The following MAN2A1 variants were observed in gnomAD, a reference collection of about 807,000 sequenced individuals.
The protein encoded by MAN2A1 is alpha-mannosidase 2.
A neutral mutation model predicts 142.6 loss-of-function variants in MAN2A1; 76 were observed. The ratio of observed to expected loss-of-function variants is 0.53; its 90% CI spans 0.44 to 0.65. The LOEUF (loss-of-function observed/expected upper bound fraction) is 0.65. Ranked by LOEUF, MAN2A1 falls within the 30% of genes least tolerant of loss-of-function variation. The pLI is 0.00. For synonymous variants in MAN2A1, 559 were observed against 473.2 expected, an observed-to-expected ratio of 1.18 and a Z score of -2.35; for missense variants, 1,311 against 1,365.1, an observed-to-expected ratio of 0.96 and a Z score of 0.62.
intron 3 of MAN2A1, among the ~76,000 whole-genome samples, chr5:109,728,239 C>A (rs1354538049): frequency 6.6e-6 from 1 of 152,120 alleles, no homozygotes. Flanking sequence ...TCTGCCCTGG[C>A]AGGCTTTTAT....
chr5:109,696,326 C>T (rs1750811099), intron 1 of MAN2A1, among the ~76,000 whole-genome samples: 1 of 152,164 alleles, frequency 6.6e-6, no homozygotes, highest in Non-Finnish European at 1.5e-5. Context: ...GTCTCGATCT[C>T]CTGATCTCGT....
chr5:109,710,532 T>C (rs1283266487), intron 1 of MAN2A1, among the ~76,000 whole-genome samples: 1 of 151,256 alleles, frequency 6.6e-6, no homozygotes, highest in Admixed American at 6.6e-5. Flanking sequence ...TGAGACGGAG[T>C]CTCGCTTTAT....
chr5:109,843,266 C>T (rs1755259387), intron 17 of MAN2A1, among the ~76,000 whole-genome samples: 1 of 152,186 alleles, frequency 6.6e-6, no homozygotes, highest in Non-Finnish European at 1.5e-5. Context: ...ACAAGTCTTA[C>T]ATGGCTGCAG....
intron 8 of MAN2A1, among the ~76,000 whole-genome samples, chr5:109,780,546 G>A (rs6876585): frequency 0.54 from 80,740 of 149,236 alleles, 22,363 homozygotes; most frequent in East Asian, 0.88. Flanking sequence ...GTGTGTGTGT[G>A]TGTATGTGTG....
chr5:109,814,863 A>G (rs1754411610), intron 12 of MAN2A1, among the ~76,000 whole-genome samples: 1 of 152,262 alleles, frequency 6.6e-6, no homozygotes, highest in Admixed American at 6.5e-5. Flanking sequence ...ATAGTATCAC[A>G]GTCTTCATGA....
intron 12 of MAN2A1, among the ~76,000 whole-genome samples, chr5:109,798,670 G>GT (rs548960669): frequency 1.3e-4 from 20 of 151,858 alleles, no homozygotes; most frequent in South Asian, 8.3e-4. Context: ...TGTTTTGTTT[G>GT]TTTGTTTTGT....
At chr5:109,799,180 G>A (rs566519898) in intron 12 of MAN2A1, among the ~76,000 whole-genome samples, 18 of 152,296 alleles carry the variant, frequency 1.2e-4, no homozygotes, top group African/African-American at 3.6e-4. Context: ...GGGACCTAGC[G>A]CTTAGCAGGC....
intron 7 of MAN2A1, among the ~76,000 whole-genome samples, chr5:109,774,224 T>C (rs181868000): frequency 6.6e-6 from 1 of 152,158 alleles, no homozygotes; most frequent in Non-Finnish European, 1.5e-5. Flanking sequence ...GTGTGGATTT[T>C]TTTTTCTTTA....
Position 109,819,560 on chromosome 5 carries a change from C to A in MAN2A1, c.2110-109C>A, listed in dbSNP as rs138248796. On this transcript the variant is annotated intron_variant, in intron 13 of 21. Transcript: ENST00000261483. ...GTGGATATGGAGGGCCAACTGGATT[C>A]TCTTTTTAAAAAATATGATAGTTTG... 458 of 595,994 alleles carry A rather than the reference C, an allele frequency of 7.7e-4. 1 individual carries two copies. The African/African-American group carries it at 8.2e-3, about 11-fold the overall frequency. 36.9% of individuals were successfully genotyped at this position (595,994 alleles called of 1,614,324 possible). A position where few individuals can be genotyped will look rare whatever the true frequency, so the allele number is the denominator to read the frequency against.
intron 9 of MAN2A1, among the ~76,000 whole-genome samples, chr5:109,782,280 C>G (rs915662866): frequency 6.6e-6 from 1 of 152,172 alleles, no homozygotes; most frequent in Admixed American, 6.5e-5. Flanking sequence ...CTTTCAATCA[C>G]TGATAGAATG....
chr5:109,745,883 C>T (rs1007014443), intron 4 of MAN2A1, among the ~76,000 whole-genome samples: 1 of 152,310 alleles, frequency 6.6e-6, no homozygotes, highest in Middle Eastern at 3.4e-3. Flanking sequence ...TCCCAAAGCA[C>T]AGGGATTATA....
At chr5:109,724,479 C>T (rs1263363214) in intron 3 of MAN2A1, among the ~76,000 whole-genome samples, 6 of 151,758 alleles carry the variant, frequency 4.0e-5, no homozygotes, top group African/African-American at 9.7e-5. Flanking sequence ...TTTTAATGAA[C>T]TTTATTTTAA....
chr5:109,805,686 C>G (rs764554687), intron 12 of MAN2A1, among the ~76,000 whole-genome samples: 22 of 152,256 alleles, frequency 1.4e-4, no homozygotes, highest in Admixed American at 5.9e-4. Flanking sequence ...TTCATTTGCT[C>G]TCTATATTTG....
intron 5 of MAN2A1, among the ~76,000 whole-genome samples, chr5:109,761,501 G>A (rs1752843190): frequency 6.6e-6 from 1 of 152,030 alleles, no homozygotes; most frequent in African/African-American, 2.4e-5. Context: ...CCGTGGATGT[G>A]ACAGCAGTTT....
At chr5:109,723,644 T>C (rs1288175802) in intron 3 of MAN2A1, among the ~76,000 whole-genome samples, 2 of 152,170 alleles carry the variant, frequency 1.3e-5, no homozygotes, top group African/African-American at 4.8e-5. Flanking sequence ...AACCCTCATG[T>C]CCTCCCTCCA....
chr5:109,802,540 T>C (rs1308578668), intron 12 of MAN2A1, among the ~76,000 whole-genome samples: 1 of 152,182 alleles, frequency 6.6e-6, no homozygotes, highest in Non-Finnish European at 1.5e-5. Flanking sequence ...AAAGATGCAT[T>C]ATAGCAGAAA....
At chr5:109,860,036 C>T (rs1755717285) in intron 20 of MAN2A1, among the ~76,000 whole-genome samples, 1 of 151,896 alleles carries the variant, frequency 6.6e-6, no homozygotes, top group African/African-American at 2.4e-5. Context: ...ATTTCAATAT[C>T]AGCACCACTT....
At chr5:109,842,068 A>G (rs981494298) in intron 16 of MAN2A1, among the ~76,000 whole-genome samples, 2 of 152,206 alleles carry the variant, frequency 1.3e-5, no homozygotes, top group Non-Finnish European at 2.9e-5. Context: ...TACATGTTAT[A>G]CATCATCTAC....
chr5:109,820,446 A>G (rs1212144132), intron 15 of MAN2A1, 104 bp downstream of exon 15: 3 of 1,173,244 alleles, frequency 2.6e-6, no homozygotes, highest in Non-Finnish European at 3.6e-6. Flanking sequence ...TTGATTTATT[A>G]GGGATAGATG....
Sources: gnomAD v4.1 joint callset for allele counts (sites outside exome capture counted in the v4.1 genomes callset) on GRCh38, gnomAD v4.1.1 for gene constraint, MANE v1.5 for transcripts, NCBI Gene and HGNC (gene_info 2026-07-23, HGNC 2026-07-21) for gene names.